CHRNA2: variants seen among roughly 807,000 people sequenced by gnomAD.
CHRNA2 encodes cholinergic receptor nicotinic alpha 2 subunit, also known as neuronal acetylcholine receptor subunit alpha-2.
CHRNA2 carries 40 observed loss-of-function variants against 45.5 expected under a neutral mutation model. The observed-to-expected ratio is 0.88, with a 90% CI of 0.68 to 1.15. CHRNA2 has a LOEUF of 1.15. Among genes scored for constraint, CHRNA2 ranks in the 50% most tolerant of loss-of-function variants. CHRNA2 has a pLI of 0.00. For missense variants in CHRNA2, 655 were observed against 701.7 expected (o/e 0.93, Z 0.75); for synonymous variants, 301 against 296.7 (o/e 1.01, Z -0.15).
chr8:27,462,833 T>C lies in CHRNA2; in HGVS notation c.1464+146A>G, dbSNP rs568279285. 266 of 967,886 alleles carry C rather than the reference T, an allele frequency of 2.7e-4. 2 individuals are homozygous for C. In the South Asian group the frequency reaches 3.5e-3, roughly 13 times the overall value. The allele number at this position is 967,886 out of a possible 1,614,324, so 60.0% of individuals were successfully genotyped here. ...GCCAGCTACATGTGCTCTCTTGCTA[T>C]TTATTCCATCTAAGGACCATGACTG... is the stretch of plus-strand genomic sequence containing the variant. On this transcript the variant is annotated intron_variant, in intron 6 of 6. Transcript: ENST00000407991.
At position 27,463,331 on chromosome 8, in the gene CHRNA2, A is replaced by G; in HGVS notation, c.1112T>C (p.Leu371Pro). 1 of 1,613,758 alleles carries G rather than the reference A, an allele frequency of 6.2e-7. No individual in the cohort carries two copies. The highest frequency in any genetic ancestry group is 1.1e-5 in the South Asian group (1 of 91,078). ...TMPHWVRGALLGCVPRWLLMN... is the reference protein window; with the variant it reads ...TMPHWVRGALPGCVPRWLLMN... ...CAGAAGCCACCGGGGCACACAGCCC[A>G]GAAGGGCCCCCCGCACCCAGTGGGG... The change falls in exon 6 of 7, where the codon CTG (leucine) becomes CCG (proline). Residue 371 changes from leucine (L) to proline (P), a missense_variant. By Grantham distance (98) the Leu-to-Pro change is moderately conservative. Transcript: ENST00000407991. This position sits in a 1 kb window ranked among gnomAD's most constrained non-coding sequence, Gnocchi z 6.1.
At chr8:27,476,845 A>C (rs1284483086) in intron 1 of CHRNA2, among the ~76,000 whole-genome samples, 2 of 152,186 alleles carry the variant, frequency 1.3e-5, no homozygotes, top group African/African-American at 4.8e-5. Context: ...ATCCCCCTTG[A>C]TGTTAATTCC....
chr8:27,463,395 G>A lies in CHRNA2; in HGVS notation c.1048C>T (p.Leu350Phe). 1 of 1,614,124 alleles carries A rather than the reference G, an allele frequency of 6.2e-7. No homozygotes were observed. Among genetic ancestry groups the A allele is most frequent in the Non-Finnish European group, 8.5e-7 (1 of 1,180,030 alleles). ...CTGGGGGAGCGGTGGTGCACATTGA[G>A]CACGAAGACGGTGATGACGATGGAC... ...TLSIVITVFV[L>F]NVHHRSPSTH... is the part of the protein sequence containing the mutation. Residue 350 changes from leucine to phenylalanine, a missense_variant, in exon 6 of 7, where the codon CTC becomes TTC. Transcript: ENST00000407991. The surrounding 1 kb of genome is among the most constrained non-coding windows in gnomAD (Gnocchi z 6.1).
At chr8:27,469,561 C>T in intron 3 of CHRNA2, 182 bp from the exon 4 acceptor site, 1 of 857,468 alleles carries the variant, frequency 1.2e-6, no homozygotes. Context: ...GGCACTGCTG[C>T]CAATCAATGC....
At chr8:27,467,427 G>T in intron 4 of CHRNA2, 89 bp from the exon 5 acceptor site, 1 of 1,022,442 alleles carries the variant, frequency 9.8e-7, no homozygotes, top group Non-Finnish European at 1.5e-6. Context: ...CCAGAATTGG[G>T]CCAAGCAGCC....
chr8:27,467,563 G>A (rs1812738912), intron 4 of CHRNA2: 3 of 540,890 alleles, frequency 5.5e-6, no homozygotes, highest in Non-Finnish European at 6.7e-6. Context: ...CAAGGTCCCG[G>A]GCACATGAAG....
In CHRNA2 at chr8:27,469,853, G is replaced by T; in HGVS notation, c.202C>A (p.Arg68=). 1 of 1,614,152 alleles carries T rather than the reference G, an allele frequency of 6.2e-7. No homozygotes were observed. The highest frequency in any genetic ancestry group is 8.5e-7 in the Non-Finnish European group (1 of 1,180,032). Residue 68 remains arginine, a synonymous_variant, in exon 3 of 7, where the codon CGG becomes AGG. Coordinates refer to ENST00000407991, the MANE Select transcript of CHRNA2 (RefSeq NM_000742.4). ...TEDRLFKHLF[R]GYNRWARPVP... ...GGGCGCGCCCAGCGGTTGTAGCCCC[G>T]GAAGAGGTGTTTGAAGAGCCGGTCC...
Position 27,467,250 on chromosome 8 carries a change from G to T in CHRNA2, c.428C>A (p.Pro143His). 6.2e-7 allele frequency: 1 copy of T among 1,613,790 alleles called. No individual in the cohort carries two copies. The highest frequency in any genetic ancestry group is 8.5e-7 in the Non-Finnish European group (1 of 1,179,658). Residue 143 changes from proline (P) to histidine (H), a missense_variant, in exon 5 of 7, where the codon CCC becomes CAC. Physicochemically the swap from Pro to His is moderately conservative, Grantham distance 77. Coordinates refer to ENST00000407991, the MANE Select transcript of CHRNA2 (RefSeq NM_000742.4). ...LRVPSEMIWI[P>H]DIVLYNNADG... The stretch of plus-strand genomic sequence containing the variant: ...CTACTTGTTGTAGAGAACAATGTCG[G>T]GGATCCAGATCATCTCAGAAGGGAC...
rs758403895 is a variant in CHRNA2 at position 27,463,376 on chromosome 8, G to T, written c.1067C>A (p.Ser356Tyr). The T allele has an allele frequency of 6.2e-7, 1 of 1,614,126 alleles. No homozygotes were observed. The highest frequency in any genetic ancestry group is 1.1e-5 in the South Asian group (1 of 91,090). ...TVFVLNVHHR[S>Y]PSTHTMPHWV... is the part of the protein sequence containing the mutation. ...GTGGGGCATGGTGTGGGTGCTGGGG[G>T]AGCGGTGGTGCACATTGAGCACGAA... The change falls in exon 6 of 7, where the codon TCC becomes TAC. Residue 356 changes from serine (S) to tyrosine (Y), a missense_variant. By Grantham distance (144) the Ser-to-Tyr change is moderately radical. Coordinates refer to ENST00000407991, the MANE Select transcript of CHRNA2 (RefSeq NM_000742.4). This position sits in a 1 kb window ranked among gnomAD's most constrained non-coding sequence, Gnocchi z 6.1.
At chr8:27,468,999 T>A (rs1458051116) in intron 4 of CHRNA2, among the ~76,000 whole-genome samples, 3 of 152,220 alleles carry the variant, frequency 2.0e-5, no homozygotes, top group Admixed American at 2.0e-4. Flanking sequence ...CGTGATCTCC[T>A]GAGCTGTAAA....
At chr8:27,462,890 G>A in intron 6 of CHRNA2, 89 bp downstream of exon 6, 2 of 1,535,916 alleles carry the variant, frequency 1.3e-6, no homozygotes, top group Non-Finnish European at 9.0e-7. Context: ...AGGGGCCTGG[G>A]CTGCCCAAGC....
intron 1 of CHRNA2, among the ~76,000 whole-genome samples, chr8:27,471,424 AAGG>A (rs1563324258): frequency 6.6e-6 from 1 of 152,228 alleles, no homozygotes; most frequent in Non-Finnish European, 1.5e-5. Flanking sequence ...CTACTGGGCA[AAGG>A]AGGGCACAGG....
At chr8:27,473,345 A>T (rs1187478785) in intron 1 of CHRNA2, among the ~76,000 whole-genome samples, 1 of 152,190 alleles carries the variant, frequency 6.6e-6, no homozygotes, top group Non-Finnish European at 1.5e-5. Context: ...GATCAATTTT[A>T]TGTTATGTGT....
At chr8:27,476,552 T>C (rs1813066730) in intron 1 of CHRNA2, among the ~76,000 whole-genome samples, 1 of 152,220 alleles carries the variant, frequency 6.6e-6, no homozygotes, top group Non-Finnish European at 1.5e-5. Flanking sequence ...TTTTCTCTGC[T>C]CTCCGCAATC....
At chr8:27,465,112 CAG>C (rs1362040323) in intron 5 of CHRNA2, among the ~76,000 whole-genome samples, 1 of 152,176 alleles carries the variant, frequency 6.6e-6, no homozygotes, top group Non-Finnish European at 1.5e-5. Flanking sequence ...GAGTGTGAAT[CAG>C]GGGTATCGTG....
chr8:27,463,961 G>A lies in CHRNA2; in HGVS notation c.482C>T (p.Thr161Ile), dbSNP rs376045534. 3.0e-5 allele frequency: 48 copies of A among 1,614,084 alleles called. No individual in the cohort carries two copies. The highest frequency in any genetic ancestry group is 3.9e-5 in the Non-Finnish European group (46 of 1,180,046). ...ADGEFAVTHM[T>I]KAHLFSTGTV... is the part of the protein sequence containing the mutation. ...GCCCGTGGAGAAGAGGTGGGCCTTG[G>A]TCATGTGGGTCACTGCAAACTCCCC... Residue 161 changes from threonine (T) to isoleucine (I), a missense_variant, in exon 6 of 7, where the codon ACC becomes ATC. Physicochemically the swap from Thr to Ile is moderately conservative, Grantham distance 89 (BLOSUM62 -1). This residue lies in a region of CHRNA2 where 323 missense variants were observed against 354.4 expected (regional missense o/e 0.91). Transcript: ENST00000407991. This position sits in a 1 kb window ranked among gnomAD's most constrained non-coding sequence, Gnocchi z 6.1.
chr8:27,461,664 GGCCGATGGTCCCCAGGAA>G lies in CHRNA2; in HGVS notation c.1537_1554del (p.Phe513_Gly518del). On this transcript the variant is annotated inframe_deletion, in exon 7 of 7. Coordinates refer to ENST00000407991, the MANE Select transcript of CHRNA2 (RefSeq NM_000742.4). The stretch of plus-strand genomic sequence containing the variant: ...CCAGCTAGGAACGGAGGCAGAAAGA[GGCCGATGGTCCCCAGGAA>G]GCAGACGATGATAAACAGCCAGAGG... 1 of 1,614,246 alleles carries G rather than the reference GGCCGATGGTCCCCAGGAA, an allele frequency of 6.2e-7. No individual in the cohort carries two copies. The highest frequency in any genetic ancestry group is 8.5e-7 in the Non-Finnish European group (1 of 1,180,040).
At chr8:27,462,208 G>A (rs1031271959) in intron 6 of CHRNA2, among the ~76,000 whole-genome samples, 13 of 152,244 alleles carry the variant, frequency 8.5e-5, no homozygotes, top group Admixed American at 8.5e-4. Flanking sequence ...AGGCAGGCTG[G>A]GGGTGGGGCG....
In CHRNA2 at chr8:27,463,009, G is replaced by A. The variant is rs56344740; in HGVS notation, c.1434C>T (p.Asp478=). Residue 478 remains aspartate (D), a synonymous_variant, in exon 6 of 7, where the codon GAC becomes GAT. Coordinates refer to ENST00000407991, the MANE Select transcript of CHRNA2 (RefSeq NM_000742.4). This position sits in a 1 kb window ranked among gnomAD's most constrained non-coding sequence, Gnocchi z 6.1. ...AGTCAGCATCCTCAGACCGCAGGTG[G>A]TCGGCAATGTAGTGCACACCTTCCA... is the stretch of plus-strand genomic sequence containing the variant. ...KALEGVHYIA[D]HLRSEDADSS... 2 of 1,613,982 alleles carry A rather than the reference G, an allele frequency of 1.2e-6. No homozygotes were observed. The highest frequency in any genetic ancestry group is 2.7e-5 in the African/African-American group (2 of 74,942).
Sources: allele counts gnomAD v4.1 joint callset (sites outside exome capture counted in the v4.1 genomes callset), GRCh38; gene constraint gnomAD v4.1.1; regional missense constraint gnomAD v4.1.1; non-coding constraint Gnocchi (gnomAD v3.1); transcripts MANE v1.5; gene names NCBI Gene and HGNC (gene_info 2026-07-23, HGNC 2026-07-21).